GALNT18: variants seen among roughly 807,000 people sequenced by gnomAD.
GALNT18 encodes GalNAc-transferase 18.
Under a neutral mutation model 69.5 loss-of-function variants are expected in GALNT18, and 44 were observed. The ratio of observed to expected loss-of-function variants is 0.63; its 90% CI spans 0.50 to 0.81. The LOEUF is 0.81. Among genes scored for constraint, GALNT18 ranks in the 40% least tolerant of loss-of-function variants. GALNT18 has a pLI of 0.00. For synonymous variants in GALNT18, 364 were observed against 318.2 expected (o/e 1.14, Z -1.53); for missense variants, 715 against 810.0 (o/e 0.88, Z 1.42).
At chr11:11,609,515 T>G (rs1411974689) in intron 1 of GALNT18, among the ~76,000 whole-genome samples, 1 of 152,220 alleles carries the variant, frequency 6.6e-6, no homozygotes, top group Non-Finnish European at 1.5e-5. Flanking sequence ...CTGATTCCAC[T>G]GATACATCCC....
intron 1 of GALNT18, among the ~76,000 whole-genome samples, chr11:11,521,532 G>A (rs1857399262): frequency 6.6e-6 from 1 of 152,120 alleles, no homozygotes; most frequent in African/African-American, 2.4e-5. Flanking sequence ...GGAGGTCAGA[G>A]AGAGTTCTGA....
Position 11,566,744 on chromosome 11 carries a change from G to A in GALNT18, c.235+54615C>T, listed in dbSNP as rs1019970849. Reference sequence around the variant, plus strand: ...AACTTGAAATCTTTTGAAATAAAAAGTTTGGAAAAAATAGAAATTTGAGAA... The same window carrying A: ...AACTTGAAATCTTTTGAAATAAAAAATTTGGAAAAAATAGAAATTTGAGAA... On this transcript the variant is annotated intron_variant, in intron 1 of 10. Transcript: ENST00000227756. 5.9e-5 allele frequency among the ~76,000 whole-genome samples: 9 copies of A among 152,246 alleles called. No homozygotes were observed. The South Asian group carries it at 1.9e-3, about 32-fold the overall frequency.
At chr11:11,370,092 A>G (rs1019479377) in intron 6 of GALNT18, among the ~76,000 whole-genome samples, 1 of 152,068 alleles carries the variant, frequency 6.6e-6, no homozygotes, top group Non-Finnish European at 1.5e-5. Flanking sequence ...AAAAACCACT[A>G]TTACAATAAT....
At position 11,356,535 on chromosome 11, in the gene GALNT18, T is replaced by C. The variant is rs1419079879; in HGVS notation, c.1093-15531A>G. 6.6e-6 allele frequency among the ~76,000 whole-genome samples: 1 copy of C among 152,244 alleles called. No homozygotes were observed. The highest frequency in any genetic ancestry group is 1.5e-5 in the Non-Finnish European group (1 of 68,042). The stretch of plus-strand genomic sequence containing the variant: ...ATTCAGGAAATTAAACATTGATACA[T>C]GACTATTATCAAATCCCCAGTCTAT... On this transcript the variant is annotated intron_variant, in intron 6 of 10. Transcript: ENST00000227756. The surrounding 1 kb of genome is among the most constrained non-coding windows in gnomAD (Gnocchi z 4.4).
chr11:11,578,578 T>C (rs1858988053), intron 1 of GALNT18, among the ~76,000 whole-genome samples: 1 of 152,232 alleles, frequency 6.6e-6, no homozygotes, highest in Non-Finnish European at 1.5e-5. Context: ...AATGTATTGC[T>C]TGGCTTTTAC....
intron 1 of GALNT18, among the ~76,000 whole-genome samples, chr11:11,539,218 G>T (rs1040080691): frequency 5.9e-5 from 9 of 152,156 alleles, no homozygotes; most frequent in African/African-American, 1.9e-4. Flanking sequence ...TGCCAGTAAG[G>T]CGCCCTTCCC....
At chr11:11,373,007 C>T (rs192300541) in intron 5 of GALNT18, among the ~76,000 whole-genome samples, 10 of 152,244 alleles carry the variant, frequency 6.6e-5, no homozygotes, top group South Asian at 4.1e-4. Context: ...CTTTCTTACC[C>T]TTCCCCAACT....
chr11:11,448,524 T>G (rs973843807), intron 2 of GALNT18, among the ~76,000 whole-genome samples: 3 of 152,258 alleles, frequency 2.0e-5, no homozygotes, highest in Non-Finnish European at 2.9e-5. Context: ...TCAAAATCTC[T>G]ACTGGAAGAA....
At chr11:11,452,370 G>C (rs1855820400) in intron 1 of GALNT18, among the ~76,000 whole-genome samples, 1 of 152,242 alleles carries the variant, frequency 6.6e-6, no homozygotes, top group Non-Finnish European at 1.5e-5. Flanking sequence ...GAGGATAAAT[G>C]AGATGGTCAG....
chr11:11,561,324 C>A (rs1024238432), intron 1 of GALNT18, among the ~76,000 whole-genome samples: 5 of 150,922 alleles, frequency 3.3e-5, no homozygotes, highest in Non-Finnish European at 7.4e-5. Flanking sequence ...TATTCCAGAA[C>A]AGAAAACCAA....
chr11:11,430,294 T>G lies in GALNT18; in HGVS notation c.595+2327A>C, dbSNP rs1855237344. Among the ~76,000 whole-genome samples, 1 of 152,232 alleles carries G rather than the reference T, an allele frequency of 6.6e-6. No individual in the cohort carries two copies. Among genetic ancestry groups the G allele is most frequent in the Admixed American group, 6.5e-5 (1 of 15,290 alleles). ...CAAAAGTGTACAAGAAGGTTTCATATGCCCCTCACCCAGTATTCCCCAATG... is the reference window on the plus strand; with the variant it reads ...CAAAAGTGTACAAGAAGGTTTCATAGGCCCCTCACCCAGTATTCCCCAATG... On this transcript the variant is annotated intron_variant, in intron 3 of 10. Transcript: ENST00000227756. The surrounding 1 kb of genome is among the most constrained non-coding windows in gnomAD (Gnocchi z 4.9).
At chr11:11,568,274 C>T (rs776421540) in intron 1 of GALNT18, among the ~76,000 whole-genome samples, 34 of 152,188 alleles carry the variant, frequency 2.2e-4, no homozygotes, top group Non-Finnish European at 4.6e-4. Context: ...CCAGACTTCG[C>T]GACAACTGAC....
intron 6 of GALNT18, among the ~76,000 whole-genome samples, chr11:11,343,383 A>T (rs1850246209): frequency 6.6e-6 from 1 of 152,032 alleles, no homozygotes. Context: ...AATAATAAAA[A>T]AAAGGAAGGT....
Position 11,606,029 on chromosome 11 carries a change from C to A in GALNT18, c.235+15330G>T, listed in dbSNP as rs538414353. Among the ~76,000 whole-genome samples the A allele has an allele frequency of 1.3e-5, 2 of 152,268 alleles. No individual in the cohort carries two copies. Among genetic ancestry groups the A allele is most frequent in the East Asian group, 3.9e-4 (2 of 5,182 alleles). ...AGCATGAGCGTTCCTGTCCCTGACC[C>A]AAAAGCATAGCATAGAACAGCCTCT... On this transcript the variant is annotated intron_variant, in intron 1 of 10. Coordinates refer to ENST00000227756, the MANE Select transcript of GALNT18 (RefSeq NM_198516.3). This position sits in a 1 kb window ranked among gnomAD's most constrained non-coding sequence, Gnocchi z 5.4.
chr11:11,358,264 A>G (rs1487499561), intron 6 of GALNT18, among the ~76,000 whole-genome samples: 4 of 140,790 alleles, frequency 2.8e-5, no homozygotes, highest in Non-Finnish European at 6.4e-5. Context: ...TACATGTTAC[A>G]AGGAATATAA....
chr11:11,479,633 A>G (rs1856480081), intron 1 of GALNT18, among the ~76,000 whole-genome samples: 1 of 152,180 alleles, frequency 6.6e-6, no homozygotes, highest in East Asian at 1.9e-4. Flanking sequence ...TTCAAAAAAT[A>G]ATCTAAAAAT....
intron 1 of GALNT18, among the ~76,000 whole-genome samples, chr11:11,539,769 C>T (rs1175714719): frequency 6.6e-6 from 1 of 152,150 alleles, no homozygotes; most frequent in Non-Finnish European, 1.5e-5. Context: ...AAGGCTGTGG[C>T]TGCGTCTTAG....
At chr11:11,307,480 A>T (rs1849598671) in intron 9 of GALNT18, among the ~76,000 whole-genome samples, 1 of 152,212 alleles carries the variant, frequency 6.6e-6, no homozygotes, top group Non-Finnish European at 1.5e-5. Context: ...AGAATGAAAG[A>T]GAGGTAAATT....
chr11:11,500,602 A>G lies in GALNT18; in HGVS notation c.236-51666T>C, dbSNP rs536170963. Among the ~76,000 whole-genome samples the G allele has an allele frequency of 1.3e-5, 2 of 152,180 alleles. No homozygotes were observed. Among genetic ancestry groups the G allele is most frequent in the African/African-American group, 4.8e-5 (2 of 41,512 alleles). ...GTCATCATCCTGCAGGATACAGGACACCTCCCATGACAAAGAAGGATCCAG... is the reference window on the plus strand; with the variant it reads ...GTCATCATCCTGCAGGATACAGGACGCCTCCCATGACAAAGAAGGATCCAG... On this transcript the variant is annotated intron_variant, in intron 1 of 10. Transcript: ENST00000227756. The surrounding 1 kb of genome is among the most constrained non-coding windows in gnomAD (Gnocchi z 5.0).
Sources: allele counts gnomAD v4.1 joint callset (sites outside exome capture counted in the v4.1 genomes callset), GRCh38; gene constraint gnomAD v4.1.1; non-coding constraint Gnocchi (gnomAD v3.1); transcripts MANE v1.5; gene names NCBI Gene and HGNC (gene_info 2026-07-23, HGNC 2026-07-21).